GDAP1: variants seen among roughly 807,000 people sequenced by gnomAD.
The protein encoded by GDAP1 is ganglioside induced differentiation associated protein 1.
A neutral mutation model predicts 40.1 loss-of-function variants in GDAP1; 34 were observed. The observed-to-expected ratio is 0.85, with a 90% CI of 0.64 to 1.13. The LOEUF (loss-of-function observed/expected upper bound fraction) is 1.13. GDAP1 is among the 50% of genes most tolerant of loss of function. The pLI, the probability that GDAP1 is intolerant of heterozygous loss-of-function variation, is 0.00. For missense variants in GDAP1, 374 were observed against 433.7 expected (o/e 0.86, Z 1.22); for synonymous variants, 170 against 157.4 (o/e 1.08, Z -0.60).
At chr8:74,399,419 G>T (rs1405307819) in intron 2 of GDAP1, among the ~76,000 whole-genome samples, 1 of 149,436 alleles carries the variant, frequency 6.7e-6, no homozygotes, top group Non-Finnish European at 1.5e-5. Flanking sequence ...TTTTTATTGT[G>T]TCTATTTGAT....
chr8:74,371,048 CAG>C (rs1478083359), downstream of GDAP1, among the ~76,000 whole-genome samples: 2 of 152,150 alleles, frequency 1.3e-5, no homozygotes, highest in Admixed American at 6.5e-5. Context: ...ATAAAATAGA[CAG>C]AAATTCAATT....
intron 3 of GDAP1, 44 bp downstream of exon 3, chr8:74,360,354 C>A: frequency 6.6e-7 from 1 of 1,509,778 alleles, no homozygotes; most frequent in Non-Finnish European, 9.2e-7. Context: ...CTGACACTTT[C>A]TTTTAATTCA....
At chr8:74,409,158 C>A (rs1805677194) in intron 2 of GDAP1, among the ~76,000 whole-genome samples, 1 of 149,910 alleles carries the variant, frequency 6.7e-6, no homozygotes, top group Non-Finnish European at 1.5e-5. Context: ...AAACTGGAAG[C>A]AGATATGATT....
At chr8:74,463,074 C>CG (rs146123106) in intron 2 of GDAP1, among the ~76,000 whole-genome samples, 602 of 18,272 alleles carry the variant, frequency 0.033, 8 homozygotes, top group African/African-American at 0.1. Flanking sequence ...CAATAAGTTA[C>CG]GGCAAATGAG....
chr8:74,423,058 A>G (rs904849605), intron 2 of GDAP1, among the ~76,000 whole-genome samples: 19 of 147,804 alleles, frequency 1.3e-4, no homozygotes, highest in Admixed American at 6.8e-5. Context: ...TATGTAATAA[A>G]CATTATATAT....
At chr8:74,485,199 C>A (rs1806761865) in intron 2 of GDAP1, among the ~76,000 whole-genome samples, 2 of 152,106 alleles carry the variant, frequency 1.3e-5, no homozygotes, top group South Asian at 4.1e-4. Flanking sequence ...ACAACAATTC[C>A]CATGATACGA....
At chr8:74,370,924 T>C (rs901232624), downstream of GDAP1, among the ~76,000 whole-genome samples, 13 of 152,170 alleles carry the variant, frequency 8.5e-5, no homozygotes, top group African/African-American at 2.9e-4. Flanking sequence ...TAGGAAGACA[T>C]AATCATAAAT....
intron 2 of GDAP1, among the ~76,000 whole-genome samples, chr8:74,359,225 G>T (rs757713313): frequency 6.6e-6 from 1 of 152,176 alleles, no homozygotes; most frequent in Non-Finnish European, 1.5e-5. Context: ...TTCAGCCCTT[G>T]TATCTGAGTG....
At chr8:74,367,035 C>T (rs1018185387), downstream of GDAP1, 3 of 256,090 alleles carry the variant, frequency 1.2e-5, no homozygotes, top group South Asian at 1.3e-4. Flanking sequence ...ATTGCTGACT[C>T]TTGCTTCATT....
intron 2 of GDAP1, among the ~76,000 whole-genome samples, chr8:74,468,993 CT>C (rs1199003591): frequency 6.6e-6 from 1 of 152,140 alleles, no homozygotes; most frequent in East Asian, 1.9e-4. Context: ...TGAATTTTGT[CT>C]TTTTAGCATC....
In GDAP1 at chr8:74,364,854, C is replaced by G. The variant is rs932876956; in HGVS notation, c.*487C>G. The G allele has an allele frequency of 2.2e-6, 1 of 454,228 alleles. No individual in the cohort carries two copies. The allele number at this position is 454,228 out of a possible 1,614,324, so 28.1% of individuals were successfully genotyped here. A position where few individuals can be genotyped will look rare whatever the true frequency, so the allele number is the denominator to read the frequency against. ...GTGTTAATTTTAAATGCTTATGAAT[C>G]ACACACATTGCTTTAGTAAGATTAA... On this transcript the variant is annotated 3_prime_UTR_variant, in exon 6 of 6. Coordinates refer to ENST00000220822, the MANE Select transcript of GDAP1 (RefSeq NM_018972.4).
chr8:74,444,719 A>G (rs1382902268), intron 2 of GDAP1, among the ~76,000 whole-genome samples: 2 of 152,194 alleles, frequency 1.3e-5, no homozygotes, highest in African/African-American at 4.8e-5. Flanking sequence ...TTTGAAATTA[A>G]AAGTGGTAAA....
intron 2 of GDAP1, among the ~76,000 whole-genome samples, chr8:74,427,331 C>G (rs1404816017): frequency 1.3e-5 from 2 of 152,094 alleles, no homozygotes; most frequent in African/African-American, 4.8e-5. Flanking sequence ...TCAACCCGGC[C>G]CAATTTCCTG....
rs1805755437 is a variant in GDAP1 at position 74,414,547 on chromosome 8, AT to A, written c.165+63227del. Reference sequence around the variant, plus strand: ...GTCATTGGCTGAGCTCCATAGCAGAATGGAAATGACAGAGGAAAGAGTCACT... The same window carrying A: ...GTCATTGGCTGAGCTCCATAGCAGAAGGAAATGACAGAGGAAAGAGTCACT... On this transcript the variant is annotated intron_variant, in intron 2 of 2. Coordinates refer to the GDAP1 transcript ENST00000523640. Among the ~76,000 whole-genome samples the A allele has an allele frequency of 2.7e-5, 4 of 150,064 alleles. 1 individual carries two copies. In the South Asian group the frequency reaches 8.3e-4, roughly 31 times the overall value.
chr8:74,417,588 C>A (rs1805799188), intron 2 of GDAP1, among the ~76,000 whole-genome samples: 1 of 149,528 alleles, frequency 6.7e-6, no homozygotes, highest in South Asian at 2.1e-4. Flanking sequence ...GAAACCCCGT[C>A]TGTACTAAAA....
downstream of GDAP1, among the ~76,000 whole-genome samples, chr8:74,369,785 A>G (rs1423735263): frequency 2.1e-5 from 3 of 140,590 alleles, no homozygotes; most frequent in Admixed American, 7.5e-5. Context: ...ACCGCTGAAA[A>G]CAAAAAAATC....
chr8:74,437,411 A>G (rs1370437482), intron 2 of GDAP1, among the ~76,000 whole-genome samples: 1 of 152,178 alleles, frequency 6.6e-6, no homozygotes, highest in Admixed American at 6.6e-5. Context: ...ATCAAATTAT[A>G]TTAGTTTTAA....
chr8:74,479,657 C>T (rs1224661272), intron 2 of GDAP1, among the ~76,000 whole-genome samples: 1 of 152,158 alleles, frequency 6.6e-6, no homozygotes, highest in African/African-American at 2.4e-5. Flanking sequence ...TTGTCTGGAC[C>T]AGCTCAGCTA....
At chr8:74,483,261 T>C (rs1806735833) in intron 2 of GDAP1, among the ~76,000 whole-genome samples, 1 of 152,106 alleles carries the variant, frequency 6.6e-6, no homozygotes, top group African/African-American at 2.4e-5. Flanking sequence ...TTTATATTCT[T>C]ACAGAGGAAT....
Sources: gnomAD v4.1 joint callset for allele counts (sites outside exome capture counted in the v4.1 genomes callset) on GRCh38, gnomAD v4.1.1 for gene constraint, MANE v1.5 for transcripts, NCBI Gene and HGNC (gene_info 2026-07-23, HGNC 2026-07-21) for gene names.